The following MPP1 variants were observed in gnomAD, a reference collection of about 807,000 sequenced individuals.
The protein encoded by MPP1 is 55 kDa erythrocyte membrane protein.
In MPP1, 6 loss-of-function variants were observed where a neutral mutation model predicts 38.2. The observed-to-expected ratio is 0.16, with a 90% CI of 0.09 to 0.31. The LOEUF is 0.31. Among genes scored for constraint, MPP1 ranks in the 10% least tolerant of loss-of-function variants. The pLI is 1.00. For synonymous variants in MPP1, 153 were observed against 146.3 expected, an observed-to-expected ratio of 1.05 and a Z score of -0.33; for missense variants, 293 against 368.9, an observed-to-expected ratio of 0.79 and a Z score of 1.69.
chrX:154,796,427 C>T (rs782015793), intron 1 of MPP1, among the ~76,000 whole-genome samples: 1 of 111,731 alleles, frequency 9.0e-6, no homozygotes, highest in African/African-American at 3.3e-5. Context: ...CCACCATGCC[C>T]GGCCAAGATT....
intron 1 of MPP1, among the ~76,000 whole-genome samples, chrX:154,794,470 G>A (rs2072174142): frequency 8.9e-6 from 1 of 111,953 alleles, no homozygotes; most frequent in African/African-American, 3.3e-5. Flanking sequence ...TGGAGGAGGA[G>A]GAGGAGGACG....
Position 154,805,419 on chromosome X carries a change from G to A in MPP1, c.-46C>T. ...GGAACGCAAGACAGGGCAGCGCTGG[G>A]AATGACAGGGCCCGGGGCCTGCGGG... On this transcript the variant is annotated 5_prime_UTR_variant, in exon 1 of 12. Coordinates refer to ENST00000369534, the MANE Select transcript of MPP1 (RefSeq NM_002436.4). 1 of 1,111,706 alleles carries A rather than the reference G, an allele frequency of 9.0e-7. No homozygotes were observed. Among genetic ancestry groups the A allele is most frequent in the Non-Finnish European group, 1.2e-6 (1 of 821,774 alleles). The allele number at this position is 1,111,706 out of a possible 1,213,427, so 91.6% of individuals were successfully genotyped here.
In MPP1 at chrX:154,790,027, TA is replaced by T. The variant is rs782117519; in HGVS notation, c.412-6del. On this transcript the variant is annotated splice_polypyrimidine_tract_variant and splice_region_variant and intron_variant, in intron 4 of 11. Transcript: ENST00000369534. ...GATCATTCCTTTGGTTTCTTTCTAT[TA>T]AAAAAAATGGACATAAAATTGTACA... 9.8e-5 allele frequency: 111 copies of T among 1,138,174 alleles called. No individual in the cohort carries two copies. The highest frequency in any genetic ancestry group is 2.3e-4 in the South Asian group (12 of 52,855). The allele number at this position is 1,138,174 out of a possible 1,213,427, so 93.8% of individuals were successfully genotyped here.
In MPP1 at chrX:154,781,793, C is replaced by T. The variant is rs782048808; in HGVS notation, c.956G>A (p.Arg319Gln). ...ATCTTCCTCACTCTTCCTTGGCGGC[C>T]GTGTTGTATCTGTGTACAAGAACCC... Reference protein sequence around the residue: ...KFVYPVPYTTRPPRKSEEDGK... With the variant: ...KFVYPVPYTTQPPRKSEEDGK... Residue 319 changes from arginine to glutamine, a missense_variant, in exon 10 of 12, where the codon CGG (arginine) becomes CAG (glutamine). Coordinates refer to ENST00000369534, the MANE Select transcript of MPP1 (RefSeq NM_002436.4). 8.3e-6 allele frequency: 10 copies of T among 1,208,702 alleles called. No homozygotes were observed. Among genetic ancestry groups the T allele is most frequent in the East Asian group, 3.0e-5 (1 of 33,787 alleles).
intron 9 of MPP1, chrX:154,782,426 T>C (rs1569558792): frequency 8.9e-6 from 1 of 111,878 alleles, no homozygotes; most frequent in Non-Finnish European, 1.9e-5. Context: ...TACAACCACA[T>C]GTGATTCTCT....
chrX:154,781,343 G>C (rs782566720), intron 10 of MPP1, 30 bp from the exon 11 acceptor site: 7 of 147,510 alleles, frequency 4.7e-5, no homozygotes, highest in Admixed American at 3.0e-4. Context: ...GCGGCGGGGA[G>C]GGGGGGGAAG....
chrX:154,781,317 G>GAAA lies in MPP1; in HGVS notation c.1150-7_1150-5dup. ...CTGTCCGAACAATTTTCAGGGTCTA[G>GAAA]AAAAAAAAAAGAAGGGCGGCGGGGA... is the stretch of plus-strand genomic sequence containing the variant. On this transcript the variant is annotated splice_polypyrimidine_tract_variant and splice_region_variant and intron_variant, in intron 10 of 11. Transcript: ENST00000369534. 2.4e-6 allele frequency: 2 copies of GAAA among 842,362 alleles called. No homozygotes were observed. Among genetic ancestry groups the GAAA allele is most frequent in the Non-Finnish European group, 3.1e-6 (2 of 641,974 alleles). The allele number at this position is 842,362 out of a possible 1,213,427, so 69.4% of individuals were successfully genotyped here.
Position 154,790,964 on chromosome X carries a change from T to C in MPP1, c.411+19A>G. On this transcript the variant is annotated intron_variant, in intron 4 of 11. Transcript: ENST00000369534. ...ATGGAGACAATGGAAGGTCTTCATC[T>C]AGCATAGAAAATACCCACCATCGCC... 1 of 1,195,862 alleles carries C rather than the reference T, an allele frequency of 8.4e-7. No individual in the cohort carries two copies. Among genetic ancestry groups the C allele is most frequent in the Non-Finnish European group, 1.1e-6 (1 of 881,850 alleles).
chrX:154,794,460 T>C (rs782488969), intron 1 of MPP1, among the ~76,000 whole-genome samples: 3 of 111,052 alleles, frequency 2.7e-5, no homozygotes, highest in Non-Finnish European at 5.7e-5. Flanking sequence ...TATAGCCACC[T>C]GGAGGAGGAG....
intron 4 of MPP1, 118 bp from the exon 5 acceptor site, chrX:154,790,140 G>A: frequency 2.2e-6 from 1 of 455,314 alleles, no homozygotes; most frequent in Admixed American, 3.9e-5. Context: ...AGATTTTGTA[G>A]GACAATTCCT....
intron 11 of MPP1, among the ~76,000 whole-genome samples, chrX:154,779,742 A>G (rs782214850): frequency 8.9e-6 from 1 of 112,814 alleles, no homozygotes; most frequent in South Asian, 3.7e-4. Flanking sequence ...GTTTTGAGAC[A>G]GTGTCTTGCT....
At position 154,805,323 on chromosome X, in the gene MPP1, C is replaced by A. The variant is rs1557269054; in HGVS notation, c.51G>T (p.Ala17=). ...EGESGGSMHT[A]LSDLYLEHLL... ...AATGCTCCAGGTAGAGGTCGGAGAG[C>A]GCCGTGTGCATGCTGCCCCCACTCT... Residue 17 remains alanine, a synonymous_variant, in exon 1 of 12, where the codon GCG becomes GCT. Transcript: ENST00000369534. 8.3e-7 allele frequency: 1 copy of A among 1,208,194 alleles called. No homozygotes were observed. The highest frequency in any genetic ancestry group is 1.1e-6 in the Non-Finnish European group (1 of 893,482).
intron 1 of MPP1, among the ~76,000 whole-genome samples, chrX:154,797,745 A>T (rs1557268262): frequency 8.9e-6 from 1 of 112,675 alleles, no homozygotes; most frequent in African/African-American, 3.2e-5. Context: ...AGCAGAATCC[A>T]TTAAAGGAAA....
intron 1 of MPP1, among the ~76,000 whole-genome samples, chrX:154,802,400 C>G (rs782703881): frequency 9.0e-6 from 1 of 111,546 alleles, no homozygotes. Context: ...GCCTAAGAAC[C>G]AAGAAACAGG....
intron 9 of MPP1, 62 bp from the exon 10 acceptor site, chrX:154,781,864 G>A: frequency 9.2e-7 from 1 of 1,086,622 alleles, no homozygotes; most frequent in African/African-American, 1.8e-5. Flanking sequence ...TGAGGGCTTG[G>A]ACCATGGTGT....
chrX:154,780,879 GC>G (rs145403890), intron 11 of MPP1, among the ~76,000 whole-genome samples: 9,903 of 111,362 alleles, frequency 0.089, 506 homozygotes, highest in South Asian at 0.36. Context: ...CAGCCATACT[GC>G]ACCCCAGGGC....
intron 7 of MPP1, chrX:154,784,773 C>T: frequency 5.0e-6 from 2 of 398,550 alleles, no homozygotes; most frequent in Non-Finnish European, 9.3e-6. Flanking sequence ...GTGTTCTTGC[C>T]TCACTTCCCC....
rs782444275 is a variant in MPP1, at chrX:154,784,937, A to G, written c.784+114T>C. 1.1e-5 allele frequency: 7 copies of G among 627,686 alleles called. No homozygotes were observed. The African/African-American group carries it at 1.3e-4, about 12-fold the overall frequency. 51.7% of individuals were successfully genotyped at this position (627,686 alleles called of 1,213,427 possible). On this transcript the variant is annotated intron_variant, in intron 7 of 11. Transcript: ENST00000369534. Reference sequence around the variant, plus strand: ...CCAGAAGAAATGACATGCTTTCTGTAGAATGCGCCTTCTGCTGCGCACTGC... The same window carrying G: ...CCAGAAGAAATGACATGCTTTCTGTGGAATGCGCCTTCTGCTGCGCACTGC...
intron 11 of MPP1, 50 bp downstream of exon 11, chrX:154,781,189 G>C (rs782324326): frequency 1.0e-5 from 11 of 1,070,130 alleles, no homozygotes; most frequent in African/African-American, 1.9e-5. Context: ...GTCCCAGTAT[G>C]GGCAGGCCCG....
Sources: gnomAD v4.1 joint callset for allele counts (sites outside exome capture counted in the v4.1 genomes callset) on GRCh38, gnomAD v4.1.1 for gene constraint, MANE v1.5 for transcripts, NCBI Gene and HGNC (gene_info 2026-07-23, HGNC 2026-07-21) for gene names.